Variants in WDR49 observed in about 807,000 individuals in gnomAD.
WDR49 encodes cilia- and flagella-associated protein 337.
Under a neutral mutation model 119.5 loss-of-function variants are expected in WDR49, and 107 were observed. The ratio of observed to expected loss-of-function variants is 0.90; its 90% CI spans 0.77 to 1.05. WDR49 has a LOEUF of 1.05. Among genes scored for constraint, WDR49 ranks in the 50% least tolerant of loss-of-function variants. The pLI, the probability that WDR49 is intolerant of heterozygous loss-of-function variation, is 0.00. For synonymous variants in WDR49, 425 were observed against 418.8 expected (o/e 1.01, Z -0.18); for missense variants, 1,240 against 1,220.5 (o/e 1.02, Z -0.24).
At chr3:167,558,525 A>G (rs1713078992) in intron 9 of WDR49, among the ~76,000 whole-genome samples, 1 of 152,232 alleles carries the variant, frequency 6.6e-6, no homozygotes, top group Non-Finnish European at 1.5e-5. Context: ...ATGCACCTTC[A>G]GAAGCAGTTA....
At chr3:167,527,773 C>A (rs770698742) in intron 15 of WDR49, 47 bp downstream of exon 15, 3 of 1,558,232 alleles carry the variant, frequency 1.9e-6, no homozygotes, top group East Asian at 2.3e-5. Context: ...CAAGTTAATA[C>A]TAAATGTCAA....
At chr3:167,599,560 G>A (rs1715659066) in intron 7 of WDR49, among the ~76,000 whole-genome samples, 1 of 152,122 alleles carries the variant, frequency 6.6e-6, no homozygotes. Context: ...CCCGCTTGGT[G>A]CTCTATCTCA....
chr3:167,492,148 T>G (rs1326526217), intron 18 of WDR49, among the ~76,000 whole-genome samples: 3 of 149,848 alleles, frequency 2.0e-5, no homozygotes, highest in Non-Finnish European at 2.9e-5. Context: ...AATTGAAGTT[T>G]TTTTTTTTTT....
chr3:167,649,307 C>A (rs968737868), intron 2 of WDR49, among the ~76,000 whole-genome samples: 1 of 151,458 alleles, frequency 6.6e-6, no homozygotes, highest in African/African-American at 2.4e-5. Context: ...GAAAGAAGGA[C>A]AAGTTAAAAA....
intron 18 of WDR49, among the ~76,000 whole-genome samples, chr3:167,486,514 C>G (rs1040129901): frequency 9.9e-5 from 15 of 152,110 alleles, no homozygotes; most frequent in Non-Finnish European, 5.9e-5. Context: ...AGACCCATCT[C>G]ACATGTAACA....
At chr3:167,553,371 A>C (rs1476915691) in intron 10 of WDR49, among the ~76,000 whole-genome samples, 1 of 152,062 alleles carries the variant, frequency 6.6e-6, no homozygotes, top group Non-Finnish European at 1.5e-5. Context: ...ACATAGATAG[A>C]ATAATAGATG....
chr3:167,507,099 T>C (rs1751798737), intron 16 of WDR49, among the ~76,000 whole-genome samples: 1 of 152,200 alleles, frequency 6.6e-6, no homozygotes, highest in African/African-American at 2.4e-5. Flanking sequence ...ACAGTTACTT[T>C]TTCCCTTTTT....
intron 6 of WDR49, 71 bp from the exon 7 acceptor site, chr3:167,602,346 T>C (rs1188344961): frequency 2.2e-6 from 3 of 1,342,680 alleles, no homozygotes; most frequent in Non-Finnish European, 3.0e-6. Flanking sequence ...CTTTGTGAAA[T>C]GAGTTTACCA....
chr3:167,557,081 C>T (rs1712977143), intron 9 of WDR49, among the ~76,000 whole-genome samples: 1 of 152,056 alleles, frequency 6.6e-6, no homozygotes, highest in Non-Finnish European at 1.5e-5. Flanking sequence ...CCTGTAACCA[C>T]AGCTACTCGG....
At chr3:167,587,897 A>G (rs985454892) in intron 7 of WDR49, among the ~76,000 whole-genome samples, 1 of 152,222 alleles carries the variant, frequency 6.6e-6, no homozygotes, top group African/African-American at 2.4e-5. Context: ...TAATAATCAC[A>G]TCAGGGTAAA....
rs118167206 is a variant in WDR49, at chr3:167,523,077, A to G, written c.2605-593T>C. Among the ~76,000 whole-genome samples the G allele has an allele frequency of 1.6e-3, 245 of 152,278 alleles. 4 individuals carry two copies. The East Asian group carries it at 0.038, about 23-fold the overall frequency. Reference sequence around the variant, plus strand: ...TTATATCAATACACTTCATGCACACAGAATGTTCCAGAGAATGCAGCCTGT... The same window carrying G: ...TTATATCAATACACTTCATGCACACGGAATGTTCCAGAGAATGCAGCCTGT... On this transcript the variant is annotated intron_variant, in intron 15 of 18. Coordinates refer to ENST00000682715, the MANE Select transcript of WDR49 (RefSeq NM_001366157.1).
In WDR49 at chr3:167,626,903, C is replaced by A; in HGVS notation, c.555G>T (p.Lys185Asn). ...GACTTGTCACCCACAGGTGTTTGAG[C>A]TTGGTGGCATCTGAAGTGATGGGGA... is the stretch of plus-strand genomic sequence containing the variant. The part of the protein sequence containing the change: ...ETFPITSDAT[K>N]LKHLWVTSLV... The change falls in exon 3 of 19, where the codon AAG becomes AAT. Residue 185 changes from lysine (K) to asparagine (N), a missense_variant. By Grantham distance (94) the Lys-to-Asn change is moderately conservative. Transcript: ENST00000682715. 7.9e-7 allele frequency: 1 copy of A among 1,266,854 alleles called. No homozygotes were observed. The highest frequency in any genetic ancestry group is 3.3e-5 in the South Asian group (1 of 30,068). The allele number at this position is 1,266,854 out of a possible 1,614,324, so 78.5% of individuals were successfully genotyped here.
chr3:167,479,996 C>T (rs193180883), intron 18 of WDR49, among the ~76,000 whole-genome samples: 169 of 151,740 alleles, frequency 1.1e-3, no homozygotes, highest in African/African-American at 4.0e-3. Flanking sequence ...TTTGGGAGGC[C>T]GAGGCAGGTG....
intron 16 of WDR49, among the ~76,000 whole-genome samples, chr3:167,506,985 A>G (rs1158672783): frequency 6.6e-6 from 1 of 152,162 alleles, no homozygotes. Flanking sequence ...CATCAAACCA[A>G]GGGTGCATGC....
At chr3:167,521,811 G>A (rs1752446122) in intron 16 of WDR49, among the ~76,000 whole-genome samples, 2 of 152,140 alleles carry the variant, frequency 1.3e-5, no homozygotes, top group African/African-American at 2.4e-5. Context: ...ATCTAGCAGA[G>A]TGATGTGAAG....
intron 8 of WDR49, among the ~76,000 whole-genome samples, chr3:167,575,393 G>A (rs892412326): frequency 2.6e-5 from 4 of 152,138 alleles, no homozygotes; most frequent in African/African-American, 9.7e-5. Context: ...TAAACTGGTG[G>A]GGAGACAAAC....
At position 167,546,378 on chromosome 3, in the gene WDR49, A is replaced by C. The variant is rs1247843399; in HGVS notation, c.1823+8272T>G. Among the ~76,000 whole-genome samples, 4 of 150,572 alleles carry C rather than the reference A, an allele frequency of 2.7e-5. No homozygotes were observed. The East Asian group carries it at 7.9e-4, about 30-fold the overall frequency. On this transcript the variant is annotated intron_variant, in intron 10 of 18. Transcript: ENST00000682715. ...TGACAGTTGTCCTTAAAATAATTTG[A>C]GAATCTACACTGCAGCTCTTACTTT...
At chr3:167,637,699 T>C (rs889312638) in intron 2 of WDR49, among the ~76,000 whole-genome samples, 3 of 151,814 alleles carry the variant, frequency 2.0e-5, no homozygotes, top group African/African-American at 7.2e-5. Context: ...CCTGTAGAAG[T>C]CTTTCACCTC....
At chr3:167,655,249 G>A (rs757893309), upstream of WDR49, among the ~76,000 whole-genome samples, 6 of 152,098 alleles carry the variant, frequency 3.9e-5, no homozygotes, top group Non-Finnish European at 5.9e-5. Flanking sequence ...TGGGGAAACC[G>A]CCCCCTTGAG....
Sources: allele counts gnomAD v4.1 joint callset (sites outside exome capture counted in the v4.1 genomes callset), GRCh38; gene constraint gnomAD v4.1.1; transcripts MANE v1.5; gene names NCBI Gene and HGNC (gene_info 2026-07-23, HGNC 2026-07-21).